Variants in NFATC1 observed in about 807,000 individuals in gnomAD.
NFATC1 encodes the protein nuclear factor of activated T cells 1.
In NFATC1, 22 loss-of-function variants were observed where a neutral mutation model predicts 76.0. The observed-to-expected ratio is 0.29, with a 90% confidence interval of 0.21 to 0.41. The LOEUF (loss-of-function observed/expected upper bound fraction) is 0.41. Among genes scored for constraint, NFATC1 ranks in the 10% least tolerant of loss-of-function variants. The probability of loss-of-function intolerance (pLI) is 1.00; values close to 1 mark genes in which losing one functional copy is unlikely to be tolerated. For missense variants in NFATC1, 1,357 were observed against 1,337.7 expected (o/e 1.01, Z -0.23); for synonymous variants, 704 against 613.1 (o/e 1.15, Z -2.19).
chr18:79,427,219 C>A (rs982579905), intron 2 of NFATC1, among the ~76,000 whole-genome samples: 1 of 152,210 alleles, frequency 6.6e-6, no homozygotes, highest in Non-Finnish European at 1.5e-5. Flanking sequence ...TCAAGACCCA[C>A]GTCCCATTGT....
Position 79,527,589 on chromosome 18 carries a change from G to T in NFATC1, c.*12G>T. ...GCACCCACTCCTAGTTGCCACATTGGAGCACTCAGTTCAGCAGGGGTATGC... is the reference window on the plus strand; with the variant it reads ...GCACCCACTCCTAGTTGCCACATTGTAGCACTCAGTTCAGCAGGGGTATGC... On this transcript the variant is annotated 3_prime_UTR_variant, in exon 10 of 10. Transcript: ENST00000427363. The T allele has an allele frequency of 1.9e-6, 3 of 1,613,330 alleles. No homozygotes were observed. Among genetic ancestry groups the T allele is most frequent in the Non-Finnish European group, 2.5e-6 (3 of 1,179,370 alleles).
rs1308111589 is a variant in NFATC1, at chr18:79,524,090, C to G, written c.2783-3438C>G. On this transcript the variant is annotated intron_variant, in intron 9 of 9. Transcript: ENST00000427363. This position sits in a 1 kb window ranked among gnomAD's most constrained non-coding sequence, Gnocchi z 7.2. ...CCATACCCTACCCAAGGAAGCCGCC[C>G]CCGGAATAGCAAGGGCAGGGCCGGG... 6.6e-6 allele frequency: 1 copy of G among 152,144 alleles called. No homozygotes were observed. 9.4% of individuals were successfully genotyped at this position (152,144 alleles called of 1,614,324 possible).
intron 1 of NFATC1, chr18:79,400,582 T>C (rs1445405769): frequency 1.9e-6 from 2 of 1,058,898 alleles, no homozygotes; most frequent in Admixed American, 4.4e-5. Context: ...ACCCCAGGAG[T>C]CCCCGGCGCG....
chr18:79,436,529 C>T (rs535622597), intron 3 of NFATC1, among the ~76,000 whole-genome samples: 16 of 152,174 alleles, frequency 1.1e-4, no homozygotes, highest in East Asian at 1.9e-4. Context: ...CCCGTCCTCC[C>T]GCACCCGGCG....
chr18:79,413,646 C>T (rs776535225), intron 2 of NFATC1, among the ~76,000 whole-genome samples: 5 of 152,344 alleles, frequency 3.3e-5, no homozygotes, highest in East Asian at 3.9e-4. Context: ...GAGCACCGTT[C>T]GGCTGCCTCA....
At chr18:79,447,680 G>C (rs989185141) in intron 3 of NFATC1, among the ~76,000 whole-genome samples, 4 of 152,178 alleles carry the variant, frequency 2.6e-5, no homozygotes, top group Non-Finnish European at 5.9e-5. Flanking sequence ...CAAAGGGTTT[G>C]ACTCCTGCGG....
At chr18:79,409,224 TCATCCATCATC>T (rs1364570295) in intron 1 of NFATC1, among the ~76,000 whole-genome samples, 1 of 146,986 alleles carries the variant, frequency 6.8e-6, no homozygotes, top group Non-Finnish European at 1.5e-5. Flanking sequence ...CATTCATCCA[TCATCCATCATC>T]CATCCATTAT....
At chr18:79,488,049 G>A (rs2089564134) in intron 9 of NFATC1, among the ~76,000 whole-genome samples, 1 of 151,498 alleles carries the variant, frequency 6.6e-6, no homozygotes, top group South Asian at 2.1e-4. Context: ...GCCTTCTGGG[G>A]AGGGGGCGGC....
At chr18:79,400,362 G>A in intron 1 of NFATC1, 2 of 1,394,674 alleles carry the variant, frequency 1.4e-6, no homozygotes, top group Admixed American at 3.0e-5. Context: ...CGCGACCCCG[G>A]CTCCCGCCCC....
intron 8 of NFATC1, among the ~76,000 whole-genome samples, chr18:79,482,412 G>A (rs1452656861): frequency 1.4e-5 from 2 of 138,846 alleles, no homozygotes; most frequent in Non-Finnish European, 3.1e-5. Flanking sequence ...CTGGTTCCTG[G>A]GGTGTCATTC....
rs2088402033 is a variant in NFATC1, at chr18:79,465,085, T to C, written c.1960-2365T>C. Among the ~76,000 whole-genome samples, 1 of 152,134 alleles carries C rather than the reference T, an allele frequency of 6.6e-6. No homozygotes were observed. Among genetic ancestry groups the C allele is most frequent in the African/African-American group, 2.4e-5 (1 of 41,420 alleles). ...TATAAGTAAGTGTATGAGCTTCATC[T>C]CAACAGTGGAGTTTAAAGCAGGTTG... On this transcript the variant is annotated intron_variant, in intron 7 of 9. Coordinates refer to ENST00000427363, the MANE Select transcript of NFATC1 (RefSeq NM_001278669.2). The surrounding 1 kb of genome is among the most constrained non-coding windows in gnomAD (Gnocchi z 4.2).
intron 8 of NFATC1, among the ~76,000 whole-genome samples, chr18:79,471,900 C>T (rs558338460): frequency 2.6e-5 from 4 of 152,354 alleles, no homozygotes; most frequent in African/African-American, 9.6e-5. Context: ...AGGGAAGACG[C>T]GCTTCCCTCC....
intron 3 of NFATC1, 66 bp from the exon 4 acceptor site, chr18:79,448,716 C>G (rs1024281637): frequency 6.5e-6 from 10 of 1,529,334 alleles, no homozygotes; most frequent in African/African-American, 4.1e-5. Context: ...GTTTTCTCTG[C>G]GTTCCGGTGA....
At chr18:79,467,779 C>A (rs900430709) in intron 8 of NFATC1, 197 bp downstream of exon 8, 28 of 1,057,700 alleles carry the variant, frequency 2.6e-5, no homozygotes, top group African/African-American at 4.0e-5. Context: ...TTTCCTTGAT[C>A]CCTGTTGGGG....
intron 1 of NFATC1, among the ~76,000 whole-genome samples, chr18:79,398,383 G>A (rs1037354506): frequency 6.6e-6 from 1 of 152,242 alleles, no homozygotes; most frequent in East Asian, 1.9e-4. Context: ...CACACCCAGC[G>A]GGGCTTCTGT....
At chr18:79,418,756 G>A (rs911873034) in intron 2 of NFATC1, among the ~76,000 whole-genome samples, 4 of 152,224 alleles carry the variant, frequency 2.6e-5, no homozygotes, top group African/African-American at 9.6e-5. Context: ...TTCTGCCTGC[G>A]TTGTTTAGTT....
intron 9 of NFATC1, among the ~76,000 whole-genome samples, chr18:79,490,151 C>T (rs142874314): frequency 1.6e-3 from 251 of 152,258 alleles, no homozygotes; most frequent in African/African-American, 5.7e-3. Flanking sequence ...GGCAGGCAGG[C>T]GGGGCGCATG....
chr18:79,474,209 T>C (rs140439280), intron 8 of NFATC1, among the ~76,000 whole-genome samples: 6,714 of 25,350 alleles, frequency 0.26, 1,458 homozygotes, highest in African/African-American at 0.49. Flanking sequence ...CGTGTTCTCA[T>C]GCTCACTGTC....
chr18:79,517,015 A>C (rs950839257), intron 9 of NFATC1, among the ~76,000 whole-genome samples: 5 of 152,268 alleles, frequency 3.3e-5, no homozygotes. Flanking sequence ...CTTTGTAATG[A>C]ACGCCACAGC....
Sources: allele counts gnomAD v4.1 joint callset (sites outside exome capture counted in the v4.1 genomes callset), GRCh38; gene constraint gnomAD v4.1.1; non-coding constraint Gnocchi (gnomAD v3.1); transcripts MANE v1.5; gene names NCBI Gene and HGNC (gene_info 2026-07-23, HGNC 2026-07-21).